The following PPP1R16B variants were observed in gnomAD, a reference collection of about 807,000 sequenced individuals.
PPP1R16B encodes protein phosphatase 1 regulatory subunit 16B.
PPP1R16B carries 14 observed loss-of-function variants against 61.7 expected under a neutral mutation model. The observed-to-expected ratio is 0.23, with a 90% CI of 0.15 to 0.35. The LOEUF is 0.35. PPP1R16B is among the 10% of genes least tolerant of loss of function. The pLI is 1.00. For synonymous variants in PPP1R16B, 266 were observed against 305.3 expected (o/e 0.87, Z 1.34); for missense variants, 547 against 752.5 (o/e 0.73, Z 3.19).
At chr20:38,882,150 A>T (rs1214204349) in intron 2 of PPP1R16B, among the ~76,000 whole-genome samples, 2 of 152,198 alleles carry the variant, frequency 1.3e-5, no homozygotes. Flanking sequence ...GCACACAGTT[A>T]GTGCTGGGCT....
chr20:38,900,332 G>A (rs1402796867), intron 4 of PPP1R16B, among the ~76,000 whole-genome samples: 1 of 152,182 alleles, frequency 6.6e-6, no homozygotes, highest in Non-Finnish European at 1.5e-5. Flanking sequence ...AAGGCTTAGG[G>A]AGGTCTTCTG....
chr20:38,847,323 C>T (rs936554464), intron 2 of PPP1R16B, among the ~76,000 whole-genome samples: 2 of 152,118 alleles, frequency 1.3e-5, no homozygotes, highest in Admixed American at 1.3e-4. Context: ...GCTTACTGGT[C>T]ATCTCTCTCC....
chr20:38,903,576 TCCGTCCATCCATC>T (rs2085414989), intron 6 of PPP1R16B, among the ~76,000 whole-genome samples: 1 of 74,398 alleles, frequency 1.3e-5, no homozygotes, highest in Non-Finnish European at 2.8e-5. Flanking sequence ...CGTCCGTCCG[TCCGTCCATCCATC>T]CATCCATCCA....
chr20:38,832,417 C>G (rs1170061423), intron 1 of PPP1R16B, among the ~76,000 whole-genome samples: 1 of 152,166 alleles, frequency 6.6e-6, no homozygotes, highest in Non-Finnish European at 1.5e-5. Context: ...AGAGGTCTGA[C>G]TATAATAATG....
chr20:38,807,704 G>T (rs897325314), intron 1 of PPP1R16B, among the ~76,000 whole-genome samples: 1 of 152,112 alleles, frequency 6.6e-6, no homozygotes, highest in Non-Finnish European at 1.5e-5. Flanking sequence ...ATGTCAACCA[G>T]GCCACCCTGG....
At chr20:38,833,121 A>G (rs1230057415) in intron 1 of PPP1R16B, among the ~76,000 whole-genome samples, 1 of 152,210 alleles carries the variant, frequency 6.6e-6, no homozygotes, top group Non-Finnish European at 1.5e-5. Flanking sequence ...CTACCCAGCA[A>G]CAAGAAGAAA....
chr20:38,879,071 G>A (rs755253908), intron 2 of PPP1R16B, among the ~76,000 whole-genome samples: 3 of 152,194 alleles, frequency 2.0e-5, no homozygotes, highest in Non-Finnish European at 4.4e-5. Flanking sequence ...CCCTAGGTCT[G>A]CAGTGAAGCT....
chr20:38,918,674 G>C lies in PPP1R16B; in HGVS notation c.*8G>C. ...TGTTGCCGTATCTCCTAGTCTCCGT[G>C]TGATGGAGGAGGGAGATGCCTGGGG... On this transcript the variant is annotated 3_prime_UTR_variant, in exon 11 of 11. Coordinates refer to ENST00000299824, the MANE Select transcript of PPP1R16B (RefSeq NM_015568.4). This position sits in a 1 kb window ranked among gnomAD's most constrained non-coding sequence, Gnocchi z 5.3. 6.7e-7 allele frequency: 1 copy of C among 1,501,668 alleles called. No homozygotes were observed. Among genetic ancestry groups the C allele is most frequent in the South Asian group, 1.4e-5 (1 of 73,198 alleles). The allele number at this position is 1,501,668 out of a possible 1,614,324, so 93.0% of individuals were successfully genotyped here.
intron 6 of PPP1R16B, 136 bp from the exon 7 acceptor site, chr20:38,905,833 C>G: frequency 2.3e-6 from 2 of 858,898 alleles, no homozygotes; most frequent in Non-Finnish European, 3.5e-6. Context: ...TGCAATGTGA[C>G]TGGTATTTCC....
At chr20:38,845,629 G>T (rs1251206193) in intron 2 of PPP1R16B, among the ~76,000 whole-genome samples, 1 of 152,160 alleles carries the variant, frequency 6.6e-6, no homozygotes, top group Non-Finnish European at 1.5e-5. Context: ...ATGTACAAAG[G>T]ATGTGTGATG....
chr20:38,894,693 G>A (rs1348873504), intron 3 of PPP1R16B, among the ~76,000 whole-genome samples: 1 of 152,130 alleles, frequency 6.6e-6, no homozygotes. Context: ...GTTTCATCCC[G>A]CAGTCTGTAA....
rs774196620 is a variant in PPP1R16B at position 38,836,166 on chromosome 20, G to A, written c.241G>A (p.Ala81Thr). ...GCTGGAGGCCTCGCTGAGGAACGACGCCGAGGAAGGTAGGCCCCTCTGTGC... is the reference window on the plus strand; with the variant it reads ...GCTGGAGGCCTCGCTGAGGAACGACACCGAGGAAGGTAGGCCCCTCTGTGC... ...ALLEASLRND[A>T]EEVRYFLKNK... The change falls in exon 2 of 11, where the codon GCC (alanine) becomes ACC (threonine). Residue 81 changes from alanine to threonine, a missense_variant. Ala to Thr is a moderately conservative substitution (Grantham distance 58, BLOSUM62 0). Coordinates refer to ENST00000299824, the MANE Select transcript of PPP1R16B (RefSeq NM_015568.4). 11 of 1,609,732 alleles carry A rather than the reference G, an allele frequency of 6.8e-6. No individual in the cohort carries two copies. The South Asian group carries it at 7.7e-5, about 11-fold the overall frequency.
rs190261167 is a variant in PPP1R16B at position 38,881,133 on chromosome 20, C to T, written c.251-8462C>T. Among the ~76,000 whole-genome samples, 10 of 152,276 alleles carry T rather than the reference C, an allele frequency of 6.6e-5. No individual in the cohort carries two copies. In the East Asian group the frequency reaches 1.5e-3, roughly 24 times the overall value. On this transcript the variant is annotated intron_variant, in intron 2 of 10. Coordinates refer to ENST00000299824, the MANE Select transcript of PPP1R16B (RefSeq NM_015568.4). ...CAGGGTGAGTCATCACCCAGGATCCCGGGGGAGCTGCCTGGCAGAGGGGCG... is the reference window on the plus strand; with the variant it reads ...CAGGGTGAGTCATCACCCAGGATCCTGGGGGAGCTGCCTGGCAGAGGGGCG...
intron 2 of PPP1R16B, among the ~76,000 whole-genome samples, chr20:38,857,784 A>G (rs2085018326): frequency 6.6e-6 from 1 of 151,704 alleles, no homozygotes; most frequent in Non-Finnish European, 1.5e-5. Flanking sequence ...GCATTGACCC[A>G]AGTATCTCTC....
At chr20:38,816,758 A>T (rs1475857361) in intron 1 of PPP1R16B, among the ~76,000 whole-genome samples, 1 of 152,238 alleles carries the variant, frequency 6.6e-6, no homozygotes, top group Non-Finnish European at 1.5e-5. Flanking sequence ...AGCGATATAT[A>T]GAGCCAATTG....
intron 3 of PPP1R16B, among the ~76,000 whole-genome samples, chr20:38,890,990 C>T (rs573023340): frequency 2.6e-5 from 4 of 152,322 alleles, no homozygotes; most frequent in African/African-American, 9.6e-5. Flanking sequence ...ACCCCCACTC[C>T]ATCTGCCATT....
chr20:38,827,656 G>C (rs987364610), intron 1 of PPP1R16B, among the ~76,000 whole-genome samples: 7 of 152,162 alleles, frequency 4.6e-5, no homozygotes, highest in Non-Finnish European at 5.9e-5. Context: ...CATCCTAGCA[G>C]GAGTAGGACA....
intron 1 of PPP1R16B, among the ~76,000 whole-genome samples, chr20:38,812,117 A>G (rs1296343266): frequency 6.6e-6 from 1 of 152,220 alleles, no homozygotes; most frequent in African/African-American, 2.4e-5. Context: ...ATGAACAGCC[A>G]ATTAGTAACT....
intron 2 of PPP1R16B, among the ~76,000 whole-genome samples, chr20:38,883,008 A>C (rs1239264579): frequency 6.6e-6 from 1 of 152,222 alleles, no homozygotes; most frequent in Non-Finnish European, 1.5e-5. Context: ...TGGAGCAGGC[A>C]GGGACTAGAT....
Sources: allele counts gnomAD v4.1 joint callset (sites outside exome capture counted in the v4.1 genomes callset), GRCh38; gene constraint gnomAD v4.1.1; non-coding constraint Gnocchi (gnomAD v3.1); transcripts MANE v1.5; gene names NCBI Gene and HGNC (gene_info 2026-07-23, HGNC 2026-07-21).